Variants in MCRS1 observed in about 807,000 individuals in gnomAD.
MCRS1 encodes the protein microspherule protein 1, also known as 58 kDa microspherule protein.
MCRS1 carries 22 observed loss-of-function variants against 62.9 expected under a neutral mutation model. That is an observed-to-expected ratio of 0.35 (90% confidence interval 0.25 to 0.50). The LOEUF (loss-of-function observed/expected upper bound fraction) is 0.50. MCRS1 is among the 20% of genes least tolerant of loss of function. MCRS1 has a pLI of 0.98. For synonymous variants in MCRS1, 244 were observed against 233.5 expected (o/e 1.04, Z -0.41); for missense variants, 456 against 601.1 (o/e 0.76, Z 2.52).
chr12:49,565,258 G>A (rs1369929618), intron 4 of MCRS1: 10 of 985,314 alleles, frequency 1.0e-5, no homozygotes, highest in Non-Finnish European at 1.2e-5. Flanking sequence ...GCTGGGAACA[G>A]GCTGTCTGCT....
rs1315716012 is a variant in MCRS1 at position 49,560,276 on chromosome 12, T to C, written c.881+19A>G. The C allele has an allele frequency of 1.2e-6, 2 of 1,612,654 alleles. No homozygotes were observed. The highest frequency in any genetic ancestry group is 1.7e-6 in the Non-Finnish European group (2 of 1,178,712). The stretch of plus-strand genomic sequence containing the variant: ...TGACTCGGCTCTCTCCACCCCTTCC[T>C]GTGTCTCCAGCCACTCACTTGAGCT... On this transcript the variant is annotated intron_variant, in intron 9 of 14. Transcript: ENST00000343810.
At chr12:49,561,387 A>G (rs1565789554) in intron 8 of MCRS1, among the ~76,000 whole-genome samples, 1 of 152,130 alleles carries the variant, frequency 6.6e-6, no homozygotes, top group African/African-American at 2.4e-5. Flanking sequence ...TATGGGGGGA[A>G]GCAGGGCAGT....
chr12:49,562,298 C>A (rs1339203453), intron 8 of MCRS1, among the ~76,000 whole-genome samples: 1 of 152,248 alleles, frequency 6.6e-6, no homozygotes, highest in African/African-American at 2.4e-5. Context: ...CTATGGAAAT[C>A]AGAACCCGAA....
At chr12:49,560,595 A>T (rs530770272) in intron 8 of MCRS1, among the ~76,000 whole-genome samples, 1 of 152,194 alleles carries the variant, frequency 6.6e-6, no homozygotes, top group South Asian at 2.1e-4. Flanking sequence ...ATTAAAATTG[A>T]CCTTTTGTAT....
chr12:49,559,699 G>A lies in MCRS1; in HGVS notation c.1003+30C>T, dbSNP rs1565788046. On this transcript the variant is annotated intron_variant, in intron 11 of 14. Coordinates refer to ENST00000343810, the MANE Select transcript of MCRS1 (RefSeq NM_006337.5). This position sits in a 1 kb window ranked among gnomAD's most constrained non-coding sequence, Gnocchi z 5.2. Reference sequence around the variant, plus strand: ...AGGCTGGGGCGAAGGATGCTGAAGAGTGAGCCTTCTGGTGCCCAGGCCTCC... The same window carrying A: ...AGGCTGGGGCGAAGGATGCTGAAGAATGAGCCTTCTGGTGCCCAGGCCTCC... 1 of 1,612,452 alleles carries A rather than the reference G, an allele frequency of 6.2e-7. No individual in the cohort carries two copies. Among genetic ancestry groups the A allele is most frequent in the South Asian group, 1.1e-5 (1 of 91,008 alleles).
intron 2 of MCRS1, 188 bp downstream of exon 2, chr12:49,566,534 C>A: frequency 6.7e-7 from 1 of 1,501,232 alleles, no homozygotes; most frequent in Non-Finnish European, 9.1e-7. Flanking sequence ...TGCAGCCGTG[C>A]TAAAGAGCAG....
At chr12:49,565,932 G>A in intron 3 of MCRS1, 145 bp downstream of exon 3, 1 of 1,267,088 alleles carries the variant, frequency 7.9e-7, no homozygotes, top group Non-Finnish European at 1.1e-6. Flanking sequence ...GATTTAGCAG[G>A]GACAGGAAAA....
At chr12:49,560,062 G>T in intron 9 of MCRS1, 95 bp from the exon 10 acceptor site, 1 of 1,530,818 alleles carries the variant, frequency 6.5e-7, no homozygotes, top group Non-Finnish European at 9.0e-7. Context: ...TAGCCAAGTG[G>T]CCTGGAAGGT....
chr12:49,563,573 G>A (rs1205785192), intron 6 of MCRS1, 27 bp from the exon 7 acceptor site: 23 of 1,562,692 alleles, frequency 1.5e-5, no homozygotes, highest in Non-Finnish European at 1.9e-5. Flanking sequence ...ACAGAGGGGA[G>A]GGGTGAAGGA....
chr12:49,566,214 A>T lies in MCRS1; in HGVS notation c.12T>A (p.Asp4Glu), dbSNP rs1194614379. The T allele has an allele frequency of 6.2e-7, 1 of 1,611,896 alleles. No homozygotes were observed. The highest frequency in any genetic ancestry group is 8.5e-7 in the Non-Finnish European group (1 of 1,178,824). Residue 4 changes from aspartate (D) to glutamate (E), a missense_variant and splice_region_variant, in exon 3 of 15, where the codon GAT becomes GAA. This residue lies in a region of MCRS1 where 55 missense variants were observed against 49.3 expected (regional missense o/e 1.12). Coordinates refer to ENST00000343810, the MANE Select transcript of MCRS1 (RefSeq NM_006337.5). Reference protein sequence around the residue: MDKDSQGLLDSSLM... With the variant: MDKESQGLLDSSLM... ...GGGATGAATCTAGCAGCCCCTGAGAATCTAGCAAGAGAGAAATGGTGGATT... is the reference window on the plus strand; with the variant it reads ...GGGATGAATCTAGCAGCCCCTGAGATTCTAGCAAGAGAGAAATGGTGGATT...
rs190395354 is a variant in MCRS1, at chr12:49,562,863, A to C, written c.805+138T>G. The stretch of plus-strand genomic sequence containing the variant: ...CTCTCTGGAAAGTAGTTTTTTTTGC[A>C]ATGTGAGGTGAACAAGACACTGGGG... On this transcript the variant is annotated intron_variant, in intron 8 of 14. Coordinates refer to ENST00000343810, the MANE Select transcript of MCRS1 (RefSeq NM_006337.5). The C allele has an allele frequency of 9.2e-4, 1,048 of 1,143,612 alleles. 14 individuals are homozygous for C. In the South Asian group the frequency reaches 0.01, roughly 11 times the overall value. The allele number at this position is 1,143,612 out of a possible 1,614,324, so 70.8% of individuals were successfully genotyped here.
At position 49,558,691 on chromosome 12, in the gene MCRS1, G is replaced by A. The variant is rs537208168; in HGVS notation, c.1341C>T (p.Asp447=). 15 of 1,613,930 alleles carry A rather than the reference G, an allele frequency of 9.3e-6. No individual in the cohort carries two copies. The East Asian group carries it at 2.7e-4, about 29-fold the overall frequency. Residue 447 remains aspartate, a synonymous_variant, in exon 15 of 15, where the codon GAC becomes GAT. Coordinates refer to ENST00000343810, the MANE Select transcript of MCRS1 (RefSeq NM_006337.5). ...CCTCAGCCCTGATGAGGGCAATGAG[G>A]TCCTGGTTGATAAGGAAGACGAATC... ...SLRFVFLINQ[D]LIALIRAEAA...
Position 49,563,064 on chromosome 12 carries a change from C to T in MCRS1, c.742G>A (p.Ala248Thr), listed in dbSNP as rs761354762. 26 of 1,578,530 alleles carry T rather than the reference C, an allele frequency of 1.6e-5. No homozygotes were observed. The highest frequency in any genetic ancestry group is 9.4e-5 in the African/African-American group (7 of 74,272). ...HPDAFYLARTAKALQAHWQLM... is the reference protein window; with the variant it reads ...HPDAFYLARTTKALQAHWQLM... Reference sequence around the variant, plus strand: ...TGCCAGTGGGCCTGCAGGGCCTTCGCGGTACGGGCCAGGTAGAAGGCATCA... The same window carrying T: ...TGCCAGTGGGCCTGCAGGGCCTTCGTGGTACGGGCCAGGTAGAAGGCATCA... The change falls in exon 8 of 15, where the codon GCG (alanine) becomes ACG (threonine). Residue 248 changes from alanine (A) to threonine (T), a missense_variant. By Grantham distance (58) the Ala-to-Thr change is moderately conservative. Around this residue, in one of 3 missense-constraint regions of MCRS1, gnomAD observed 393 missense variants for 523.5 expected, o/e 0.75. Coordinates refer to ENST00000343810, the MANE Select transcript of MCRS1 (RefSeq NM_006337.5).
At chr12:49,562,852 GTTTT>G (rs377377830) in intron 8 of MCRS1, 145 bp downstream of exon 8, 2 of 1,045,074 alleles carry the variant, frequency 1.9e-6, no homozygotes, top group Non-Finnish European at 2.6e-6. Flanking sequence ...CTGGAAAGTA[GTTTT>G]TTTTGCAATG....
rs1276858646 is a variant in MCRS1 at position 49,560,180 on chromosome 12, G to A, written c.881+115C>T. On this transcript the variant is annotated intron_variant, in intron 9 of 14. Transcript: ENST00000343810. ...AGTGGGAGGGGAGGGGGCTCAGCCAGGGGGGGCCAAGCACCAACGGGAGCC... is the reference window on the plus strand; with the variant it reads ...AGTGGGAGGGGAGGGGGCTCAGCCAAGGGGGGCCAAGCACCAACGGGAGCC... 10 of 1,256,386 alleles carry A rather than the reference G, an allele frequency of 8.0e-6. No homozygotes were observed. The East Asian group carries it at 2.3e-4, about 29-fold the overall frequency. The allele number at this position is 1,256,386 out of a possible 1,614,324, so 77.8% of individuals were successfully genotyped here.
chr12:49,565,788 C>T (rs1939027699), intron 3 of MCRS1, 121 bp from the exon 4 acceptor site: 1 of 1,409,978 alleles, frequency 7.1e-7, no homozygotes, highest in Non-Finnish European at 9.9e-7. Context: ...CCTGCTTTCA[C>T]TTTACGCCAC....
rs771180589 is a variant in MCRS1, at chr12:49,558,840, C to T, written c.1302+3G>A. Reference sequence around the variant, plus strand: ...TGGCCTTCCTGCCTCCTCCCCAGCTCACCTCCACCACAGAGTTGTTGCTGA... The same window carrying T: ...TGGCCTTCCTGCCTCCTCCCCAGCTTACCTCCACCACAGAGTTGTTGCTGA... On this transcript the variant is annotated splice_donor_region_variant and intron_variant, in intron 14 of 14. Coordinates refer to ENST00000343810, the MANE Select transcript of MCRS1 (RefSeq NM_006337.5). 6.2e-7 allele frequency: 1 copy of T among 1,613,210 alleles called. No individual in the cohort carries two copies. The highest frequency in any genetic ancestry group is 1.7e-5 in the Admixed American group (1 of 60,030).
In MCRS1 at chr12:49,559,356, T is replaced by A; in HGVS notation, c.1087-55A>T. 1 of 1,606,404 alleles carries A rather than the reference T, an allele frequency of 6.2e-7. No homozygotes were observed. Among genetic ancestry groups the A allele is most frequent in the Non-Finnish European group, 8.5e-7 (1 of 1,173,200 alleles). On this transcript the variant is annotated intron_variant, in intron 12 of 14. Coordinates refer to ENST00000343810, the MANE Select transcript of MCRS1 (RefSeq NM_006337.5). This position sits in a 1 kb window ranked among gnomAD's most constrained non-coding sequence, Gnocchi z 5.2. The stretch of plus-strand genomic sequence containing the variant: ...ACCTGAAGAATTGGGGGAGTAGGTC[T>A]ATGCAGGCCAGAGAAAGATGGGAAA...
At chr12:49,564,083 T>G (rs1938918422) in intron 6 of MCRS1, among the ~76,000 whole-genome samples, 1 of 152,146 alleles carries the variant, frequency 6.6e-6, no homozygotes, top group Admixed American at 6.5e-5. Context: ...GGGGGCTTGG[T>G]GTTCTTCTAT....
Sources: allele counts gnomAD v4.1 joint callset (sites outside exome capture counted in the v4.1 genomes callset), GRCh38; gene constraint gnomAD v4.1.1; regional missense constraint gnomAD v4.1.1; non-coding constraint Gnocchi (gnomAD v3.1); transcripts MANE v1.5; gene names NCBI Gene and HGNC (gene_info 2026-07-23, HGNC 2026-07-21).